SCRN3: variants seen among roughly 807,000 people sequenced by gnomAD.
The protein encoded by SCRN3 is secernin 3, also known as secernin-3.
Under a neutral mutation model 43.1 loss-of-function variants are expected in SCRN3, and 39 were observed. That is an observed-to-expected ratio of 0.91 (90% CI 0.70 to 1.18). The LOEUF (loss-of-function observed/expected upper bound fraction) is 1.18, where lower values mean the gene tolerates loss of function less well. Among genes scored for constraint, SCRN3 ranks in the 50% most tolerant of loss-of-function variants. SCRN3 has a pLI of 0.00. For missense variants in SCRN3, 484 were observed against 498.0 expected (o/e 0.97, Z 0.27); for synonymous variants, 147 against 163.1 (o/e 0.90, Z 0.75).
At chr2:174,400,440 C>T (rs571012183) in intron 3 of SCRN3, among the ~76,000 whole-genome samples, 2 of 152,140 alleles carry the variant, frequency 1.3e-5, no homozygotes, top group African/African-American at 4.8e-5. Flanking sequence ...GCACGTGCCA[C>T]CACACCTGGC....
chr2:174,401,932 G>A (rs1685521348), intron 4 of SCRN3, among the ~76,000 whole-genome samples: 2 of 152,098 alleles, frequency 1.3e-5, no homozygotes, highest in Non-Finnish European at 2.9e-5. Flanking sequence ...AATGGTGCAC[G>A]AATGATACAG....
intron 5 of SCRN3, among the ~76,000 whole-genome samples, chr2:174,421,163 AC>A (rs1686281242): frequency 6.6e-6 from 1 of 152,218 alleles, no homozygotes; most frequent in South Asian, 2.1e-4. Context: ...TTGTAAAATG[AC>A]AACTTTAAGG....
chr2:174,421,615 A>G (rs1412330790), intron 5 of SCRN3, among the ~76,000 whole-genome samples: 1 of 152,160 alleles, frequency 6.6e-6, no homozygotes. Flanking sequence ...CTTAGATGGC[A>G]TGGCAGCCTG....
At chr2:174,396,812 A>G (rs1223441581) in intron 1 of SCRN3, 1 of 152,534 alleles carries the variant, frequency 6.6e-6, no homozygotes, top group Admixed American at 6.6e-5. Context: ...AAAAAAACAA[A>G]AAACGAATAA....
chr2:174,427,174 C>CGT (rs1686515608), intron 7 of SCRN3, among the ~76,000 whole-genome samples: 1 of 152,162 alleles, frequency 6.6e-6, no homozygotes. Flanking sequence ...TACCTTATAA[C>CGT]TGATCATGGT....
At chr2:174,429,992 T>A (rs1686603694), downstream of SCRN3, among the ~76,000 whole-genome samples, 1 of 152,238 alleles carries the variant, frequency 6.6e-6, no homozygotes, top group African/African-American at 2.4e-5. Context: ...TATTCGATTG[T>A]CTGAATATAC....
intron 5 of SCRN3, among the ~76,000 whole-genome samples, chr2:174,414,327 T>C (rs1429743702): frequency 6.6e-6 from 1 of 152,236 alleles, no homozygotes; most frequent in Non-Finnish European, 1.5e-5. Flanking sequence ...TTTCCTACCC[T>C]GTCCTGAGAT....
In SCRN3 at chr2:174,422,992, C is replaced by G. The variant is rs571298327; in HGVS notation, c.862C>G (p.Gln288Glu). 1 of 1,613,846 alleles carries G rather than the reference C, an allele frequency of 6.2e-7. No homozygotes were observed. The highest frequency in any genetic ancestry group is 1.1e-5 in the South Asian group (1 of 91,042). The change falls in exon 6 of 8, where the codon CAA becomes GAA. Residue 288 changes from glutamine to glutamate, a missense_variant. By Grantham distance (29) the Gln-to-Glu change is conservative. Coordinates refer to ENST00000272732, the MANE Select transcript of SCRN3 (RefSeq NM_024583.5). ...TGCAAGCATGGTTTCTATTTTACCT[C>G]AAGACTCCAGCCTTCCTTGCATTCA... ...TTASMVSILP[Q>E]DSSLPCIHFF...
rs1364017192 is a variant in SCRN3 at position 174,395,823 on chromosome 2, G to A, written c.-10+6G>A. The A allele has an allele frequency of 1.3e-6, 2 of 1,520,404 alleles. No homozygotes were observed. Among genetic ancestry groups the A allele is most frequent in the Non-Finnish European group, 1.8e-6 (2 of 1,131,898 alleles). 94.2% of individuals were successfully genotyped at this position (1,520,404 alleles called of 1,614,324 possible). On this transcript the variant is annotated splice_donor_region_variant and intron_variant, in intron 1 of 7. Coordinates refer to ENST00000272732, the MANE Select transcript of SCRN3 (RefSeq NM_024583.5). ...TCGGGTAGCTGGGAGGCCAGGTGAGGGGCGCGCACGGGGGAGGGGCGTGCA... is the reference window on the plus strand; with the variant it reads ...TCGGGTAGCTGGGAGGCCAGGTGAGAGGCGCGCACGGGGGAGGGGCGTGCA...
At position 174,424,647 on chromosome 2, in the gene SCRN3, G is replaced by A. The variant is rs751840202; in HGVS notation, c.1090G>A (p.Glu364Lys). ...GGCATTGGAAGTAGTAAATAATAAT[G>A]AGGTATGCTAGATTATATTCTTTGT... ...QQALEVVNNNEEKAKIMLDNM... is the reference protein window; with the variant it reads ...QQALEVVNNNKEKAKIMLDNM... Residue 364 changes from glutamate to lysine, a missense_variant and splice_region_variant, in exon 7 of 8, where the codon GAG becomes AAG. By Grantham distance (56) the Glu-to-Lys change is moderately conservative (BLOSUM62 1). Coordinates refer to ENST00000272732, the MANE Select transcript of SCRN3 (RefSeq NM_024583.5). 5.0e-6 allele frequency: 8 copies of A among 1,606,332 alleles called. No individual in the cohort carries two copies. Among genetic ancestry groups the A allele is most frequent in the Non-Finnish European group, 6.0e-6 (7 of 1,175,008 alleles).
At chr2:174,401,796 C>A (rs7606960) in intron 4 of SCRN3, among the ~76,000 whole-genome samples, 9,396 of 152,200 alleles carry the variant, frequency 0.062, 931 homozygotes, top group African/African-American at 0.21. Flanking sequence ...GAATTTAAAT[C>A]TTTTCATCTT....
intron 3 of SCRN3, among the ~76,000 whole-genome samples, chr2:174,400,537 C>T (rs1685473064): frequency 1.3e-5 from 2 of 152,136 alleles, no homozygotes; most frequent in South Asian, 2.1e-4. Context: ...GGCCTCTAGC[C>T]ATTCTCCTGC....
chr2:174,404,118 T>A lies in SCRN3; in HGVS notation c.557T>A (p.Ile186Asn). 6.2e-7 allele frequency: 1 copy of A among 1,613,400 alleles called. No homozygotes were observed. Among genetic ancestry groups the A allele is most frequent in the Non-Finnish European group, 8.5e-7 (1 of 1,179,540 alleles). ...AEKVQEGVRNISNQLSITTKI... is the reference protein window; with the variant it reads ...AEKVQEGVRNNSNQLSITTKI... ...TTGAAAATAGAGGGAGTTCGTAATATTTCTAATCAACTTTCCATAACAACC... is the reference window on the plus strand; with the variant it reads ...TTGAAAATAGAGGGAGTTCGTAATAATTCTAATCAACTTTCCATAACAACC... Residue 186 changes from isoleucine (I) to asparagine (N), a missense_variant, in exon 5 of 8, where the codon ATT (isoleucine) becomes AAT (asparagine). By Grantham distance (149) the Ile-to-Asn change is moderately radical. Transcript: ENST00000272732.
In SCRN3 at chr2:174,413,657, C is replaced by G. The variant is rs181900591; in HGVS notation, c.755-9228C>G. On this transcript the variant is annotated intron_variant, in intron 5 of 7. Coordinates refer to ENST00000272732, the MANE Select transcript of SCRN3 (RefSeq NM_024583.5). ...CCAAGCTGGAGTGCAGTGGTACGAT[C>G]TTGGCTCACTGCAACCTCCTCCTCC... Among the ~76,000 whole-genome samples the G allele has an allele frequency of 9.1e-4, 117 of 128,784 alleles. 1 individual carries two copies. The highest frequency in any genetic ancestry group is 1.6e-3 in the Admixed American group (16 of 9,864). The allele number at this position is 128,784 out of a possible 152,430, so 84.5% of individuals were successfully genotyped here.
intron 5 of SCRN3, among the ~76,000 whole-genome samples, chr2:174,415,705 C>T (rs984232775): frequency 7.2e-5 from 11 of 152,100 alleles, no homozygotes; most frequent in South Asian, 2.1e-4. Context: ...AGTGCAGTGG[C>T]GTAATCTCAG....
intron 5 of SCRN3, among the ~76,000 whole-genome samples, chr2:174,420,791 A>T (rs750865259): frequency 6.6e-6 from 1 of 152,188 alleles, no homozygotes; most frequent in East Asian, 1.9e-4. Context: ...AGTTTAGAAA[A>T]TATAGACAAG....
intron 5 of SCRN3, among the ~76,000 whole-genome samples, chr2:174,415,336 A>G (rs1177000829): frequency 6.6e-6 from 1 of 152,222 alleles, no homozygotes; most frequent in East Asian, 1.9e-4. Flanking sequence ...AAGAGAAATA[A>G]GAAAAAAAAT....
chr2:174,399,412 C>T (rs2105558219), intron 2 of SCRN3, among the ~76,000 whole-genome samples: 1 of 152,190 alleles, frequency 6.6e-6, no homozygotes, highest in African/African-American at 2.4e-5. Context: ...CTCTTGTATT[C>T]GAAGGCTACC....
In SCRN3 at chr2:174,424,659, A is replaced by T. The variant is rs755174787; in HGVS notation, c.1092+10A>T. 1.1e-5 allele frequency: 17 copies of T among 1,593,090 alleles called. No individual in the cohort carries two copies. Among genetic ancestry groups the T allele is most frequent in the Non-Finnish European group, 1.7e-6 (2 of 1,166,592 alleles). On this transcript the variant is annotated intron_variant, in intron 7 of 7. Transcript: ENST00000272732. ...AGTAAATAATAATGAGGTATGCTAG[A>T]TTATATTCTTTGTTATATCATTAAG...
Sources: allele counts gnomAD v4.1 joint callset (sites outside exome capture counted in the v4.1 genomes callset), GRCh38; gene constraint gnomAD v4.1.1; transcripts MANE v1.5; gene names NCBI Gene and HGNC (gene_info 2026-07-23, HGNC 2026-07-21).